The following ESRRG variants were observed in gnomAD, a reference collection of about 807,000 sequenced individuals.
ESRRG encodes the protein estrogen-related receptor gamma.
In ESRRG, 13 loss-of-function variants were observed where a neutral mutation model predicts 44.0. That is an observed-to-expected ratio of 0.30 (90% CI 0.19 to 0.47). The LOEUF is 0.47. Among genes scored for constraint, ESRRG ranks in the 20% least tolerant of loss-of-function variants. The pLI, the probability that ESRRG is intolerant of heterozygous loss-of-function variation, is 1.00. For missense variants in ESRRG, 395 were observed against 580.6 expected (o/e 0.68, Z 3.29); for synonymous variants, 215 against 214.6 (o/e 1.00, Z -0.02).
chr1:216,542,195 A>G (rs917553387), intron 5 of ESRRG, among the ~76,000 whole-genome samples: 3 of 151,506 alleles, frequency 2.0e-5, no homozygotes, highest in African/African-American at 7.3e-5. Context: ...ATCTCTTTTA[A>G]TGCTCACATC....
rs185402183 is a variant in ESRRG at position 216,757,085 on chromosome 1, A to G, written c.-13-79594T>C. On this transcript the variant is annotated intron_variant, in intron 2 of 7. Transcript: ENST00000359162. ...TATCTCAGGTTGTCATTGCAACTTT[A>G]TGCAATGCTTTGCTCTAAACAATTC... Among the ~76,000 whole-genome samples, 232 of 152,166 alleles carry G rather than the reference A, an allele frequency of 1.5e-3. 1 individual carries two copies. Among genetic ancestry groups the G allele is most frequent in the African/African-American group, 5.3e-3 (220 of 41,554 alleles).
intron 2 of ESRRG, among the ~76,000 whole-genome samples, chr1:216,868,085 T>TC (rs1381219789): frequency 7.2e-6 from 1 of 139,342 alleles, no homozygotes; most frequent in Admixed American, 7.2e-5. Context: ...GATCCTTTTT[T>TC]TTTTTTTTTT....
intron 2 of ESRRG, among the ~76,000 whole-genome samples, chr1:216,910,617 A>G (rs2060195484): frequency 6.6e-6 from 1 of 152,192 alleles, no homozygotes. Context: ...ATAGGACACT[A>G]TTGAATAAGT....
At chr1:216,521,772 T>C (rs571255262) in intron 5 of ESRRG, among the ~76,000 whole-genome samples, 2 of 152,174 alleles carry the variant, frequency 1.3e-5, no homozygotes, top group Non-Finnish European at 2.9e-5. Context: ...GGGCCAGCAC[T>C]TTTACGGTTG....
chr1:216,545,267 T>C (rs1258746808), intron 5 of ESRRG, among the ~76,000 whole-genome samples: 1 of 151,742 alleles, frequency 6.6e-6, no homozygotes, highest in Non-Finnish European at 1.5e-5. Context: ...CTCACTATGT[T>C]GTCCAGGCTG....
chr1:217,063,529 C>T (rs1044964819), intron 1 of ESRRG, among the ~76,000 whole-genome samples: 7 of 152,112 alleles, frequency 4.6e-5, no homozygotes, highest in African/African-American at 1.7e-4. Flanking sequence ...CCACGTGGGG[C>T]CTACCATAAA....
intron 2 of ESRRG, among the ~76,000 whole-genome samples, chr1:216,852,775 C>A (rs1341230623): frequency 6.6e-6 from 1 of 152,144 alleles, no homozygotes; most frequent in Non-Finnish European, 1.5e-5. Context: ...AAAGTCCAGA[C>A]ATTTAGGTCT....
chr1:217,049,076 T>C (rs937234907), intron 1 of ESRRG, among the ~76,000 whole-genome samples: 2 of 152,126 alleles, frequency 1.3e-5, no homozygotes, highest in African/African-American at 2.4e-5. Context: ...CATCATGGTC[T>C]CCTCAGTTTC....
chr1:216,546,656 G>A (rs1340126446), intron 5 of ESRRG, among the ~76,000 whole-genome samples: 1 of 151,570 alleles, frequency 6.6e-6, no homozygotes, highest in Non-Finnish European at 1.5e-5. Context: ...CATTTTGTCA[G>A]CCTAAGTTTT....
At chr1:216,923,312 C>T (rs1368111140) in intron 2 of ESRRG, among the ~76,000 whole-genome samples, 1 of 152,236 alleles carries the variant, frequency 6.6e-6, no homozygotes, top group Non-Finnish European at 1.5e-5. Context: ...CAGAACCCCT[C>T]TGCTTTCATA....
chr1:216,894,514 C>T (rs573972483), intron 2 of ESRRG, among the ~76,000 whole-genome samples: 1 of 152,206 alleles, frequency 6.6e-6, no homozygotes, highest in East Asian at 1.9e-4. Flanking sequence ...GTTTATTTCT[C>T]TTGGTGGCAT....
In ESRRG at chr1:216,548,298, G is replaced by A. The variant is rs536017254; in HGVS notation, c.862+15921C>T. ...GTTGATTATGTTGATTCAAAAATTT[G>A]TCTTGACCTCTCTCTCAAGTGACTG... On this transcript the variant is annotated intron_variant, in intron 5 of 6. Transcript: ENST00000408911. Among the ~76,000 whole-genome samples, 66 of 152,162 alleles carry A rather than the reference G, an allele frequency of 4.3e-4. 1 individual carries two copies. The highest frequency in any genetic ancestry group is 5.8e-4 in the East Asian group (3 of 5,154).
chr1:216,855,148 T>C (rs2095908569), intron 2 of ESRRG: 1 of 152,180 alleles, frequency 6.6e-6, no homozygotes, highest in African/African-American at 2.4e-5. Context: ...GGGTAATGCT[T>C]TTTTTCAAAA....
intron 2 of ESRRG, among the ~76,000 whole-genome samples, chr1:216,789,477 G>T (rs938675243): frequency 6.6e-6 from 1 of 152,262 alleles, no homozygotes. Context: ...ATAGACCACA[G>T]CATAGTATAA....
chr1:216,534,393 T>C (rs970133265), intron 5 of ESRRG, among the ~76,000 whole-genome samples: 8 of 152,142 alleles, frequency 5.3e-5, no homozygotes, highest in Admixed American at 1.3e-4. Flanking sequence ...AAGCTAGATA[T>C]ATGAGATGTT....
intron 2 of ESRRG, among the ~76,000 whole-genome samples, chr1:216,837,373 C>T (rs556229930): frequency 9.3e-5 from 14 of 150,090 alleles, no homozygotes; most frequent in Admixed American, 1.3e-4. Flanking sequence ...ATCGTGCCAC[C>T]GCACTCCAGC....
chr1:216,848,221 C>T (rs11117698), intron 2 of ESRRG, among the ~76,000 whole-genome samples: 5,085 of 152,158 alleles, frequency 0.033, 296 homozygotes, highest in African/African-American at 0.11. Context: ...ACTGCACTTG[C>T]CCATCTCCTC....
intron 1 of ESRRG, among the ~76,000 whole-genome samples, chr1:216,970,214 T>A (rs1310963694): frequency 6.6e-6 from 1 of 152,012 alleles, no homozygotes; most frequent in Non-Finnish European, 1.5e-5. Flanking sequence ...AACTGGAAAA[T>A]CCACAAATAA....
intron 3 of ESRRG, among the ~76,000 whole-genome samples, chr1:216,601,176 G>C (rs949344406): frequency 6.6e-6 from 1 of 152,070 alleles, no homozygotes; most frequent in African/African-American, 2.4e-5. Flanking sequence ...CCGGGCGGGC[G>C]CTCGGCCAGG....
Sources: gnomAD v4.1 joint callset for allele counts (sites outside exome capture counted in the v4.1 genomes callset) on GRCh38, gnomAD v4.1.1 for gene constraint, MANE v1.5 for transcripts, NCBI Gene and HGNC (gene_info 2026-07-23, HGNC 2026-07-21) for gene names.